The following ABCC6 variants were observed in gnomAD, a reference collection of about 807,000 sequenced individuals.
ABCC6 encodes the protein ATP binding cassette subfamily C member 6.
In ABCC6, 126 loss-of-function variants were observed where a neutral mutation model predicts 169.5. The observed-to-expected ratio is 0.74, with a 90% CI of 0.64 to 0.86. The LOEUF is 0.86. Ranked by LOEUF, ABCC6 falls within the 40% of genes least tolerant of loss-of-function variation. The pLI is 0.00. For missense variants in ABCC6, 1,733 were observed against 1,927.2 expected (o/e 0.90, Z 1.89); for synonymous variants, 752 against 814.7 (o/e 0.92, Z 1.31).
rs756768329 is a variant in ABCC6 at position 16,165,886 on chromosome 16, G to C, written c.3043C>G (p.Arg1015Gly). The change falls in exon 23 of 31, where the codon CGG becomes GGG. Residue 1015 changes from arginine to glycine, a missense_variant. Physicochemically the swap from Arg to Gly is moderately radical, Grantham distance 125. This residue lies in a region of ABCC6 where 1,601 missense variants were observed against 1,635.5 expected (regional missense o/e 0.98). Transcript: ENST00000205557. ...SMAAVLLGGA[R>G]ASRLLFQRLL... ...CTCTGGAAGAGCAACCTGGATGCCCGGGCCCCACCTAGGAGCACCGCAGCC... is the reference window on the plus strand; with the variant it reads ...CTCTGGAAGAGCAACCTGGATGCCCCGGCCCCACCTAGGAGCACCGCAGCC... 3 of 1,613,140 alleles carry C rather than the reference G, an allele frequency of 1.9e-6. No individual in the cohort carries two copies. The highest frequency in any genetic ancestry group is 2.5e-6 in the Non-Finnish European group (3 of 1,180,008).
chr16:16,170,923 AAAAAAAAAAAAAAAAAAAGAAAG>A lies in ABCC6; in HGVS notation c.2788-1093_2788-1071del, dbSNP rs1259763390. ...GACAAGAGTGAAACTCTGTCTCAAAAAAAAAAAAAAAAAAAAAAGAAAGAAAGAAAGAAAGAAAGAAAGAAAGA... is the reference window on the plus strand; with the variant it reads ...GACAAGAGTGAAACTCTGTCTCAAAAAAAGAAAGAAAGAAAGAAAGAAAGA... On this transcript the variant is annotated intron_variant, in intron 21 of 30. Transcript: ENST00000205557. Among the ~76,000 whole-genome samples the A allele has an allele frequency of 1.4e-3, 98 of 72,298 alleles. 1 individual carries two copies. The highest frequency in any genetic ancestry group is 3.8e-3 in the African/African-American group (95 of 24,874). 47.4% of individuals were successfully genotyped at this position (72,298 alleles called of 152,430 possible). A position where few individuals can be genotyped will look rare whatever the true frequency, so the allele number is the denominator to read the frequency against.
rs545644418 is a variant in ABCC6 at position 16,154,801 on chromosome 16, G to A, written c.4042-7C>T. ...CAGGGAACAGGATGGGGTCCTGGCG[G>A]GGAGGGGCGGTGGGTCAGAGCCGGG... On this transcript the variant is annotated splice_region_variant and splice_polypyrimidine_tract_variant and intron_variant, in intron 28 of 30. Coordinates refer to ENST00000205557, the MANE Select transcript of ABCC6 (RefSeq NM_001171.6). 3.1e-6 allele frequency: 5 copies of A among 1,610,178 alleles called. No individual in the cohort carries two copies. In the South Asian group the frequency reaches 3.3e-5, roughly 11 times the overall value.
intron 21 of ABCC6, 137 bp from the exon 22 acceptor site, chr16:16,169,990 G>A (rs1216876126): frequency 1.4e-5 from 12 of 866,968 alleles, no homozygotes; most frequent in East Asian, 7.9e-5. Context: ...TGGTTCTCCC[G>A]CTGTGCCTCC....
intron 20 of ABCC6, 150 bp from the exon 21 acceptor site, chr16:16,173,554 G>A (rs775024776): frequency 1.1e-5 from 11 of 1,000,232 alleles, no homozygotes; most frequent in Non-Finnish European, 1.7e-5. Flanking sequence ...ATACTGACCA[G>A]ATATCACACT....
Position 16,165,812 on chromosome 16 carries a change from T to A in ABCC6, c.3117A>T (p.Thr1039=). ...AGCGGTTTAGCAGGTGACCAATGGG[T>A]GTCCGCTCAAAGAAGCTGATGGGAG... ...VRSPISFFER[T]PIGHLLNRFS... Residue 1039 remains threonine (T), a synonymous_variant, in exon 23 of 31, where the codon ACA becomes ACT. Coordinates refer to ENST00000205557, the MANE Select transcript of ABCC6 (RefSeq NM_001171.6). The A allele has an allele frequency of 3.1e-6, 5 of 1,613,590 alleles. No individual in the cohort carries two copies. The highest frequency in any genetic ancestry group is 3.4e-6 in the Non-Finnish European group (4 of 1,180,030).
rs186961177 is a variant in ABCC6, at chr16:16,172,343, G to A, written c.2787+941C>T. On this transcript the variant is annotated intron_variant, in intron 21 of 30. Transcript: ENST00000205557. Reference sequence around the variant, plus strand: ...TATGAGTGGGTGGGATGGCTAAATGGGTGGGTGGGATGGCTAAATGAGTGG... The same window carrying A: ...TATGAGTGGGTGGGATGGCTAAATGAGTGGGTGGGATGGCTAAATGAGTGG... Among the ~76,000 whole-genome samples, 31 of 8,068 alleles carry A rather than the reference G, an allele frequency of 3.8e-3. 8 individuals are homozygous for A. Among genetic ancestry groups the A allele is most frequent in the Non-Finnish European group, 4.6e-3 (20 of 4,378 alleles). The allele number at this position is 8,068 out of a possible 152,430, so 5.3% of individuals were successfully genotyped here. A position where few individuals can be genotyped will look rare whatever the true frequency, so the allele number is the denominator to read the frequency against.
intron 29 of ABCC6, 120 bp from the exon 30 acceptor site, chr16:16,150,892 C>A (rs1179187668): frequency 1.3e-6 from 2 of 1,525,156 alleles, no homozygotes; most frequent in African/African-American, 2.7e-5. Flanking sequence ...GTTCAGGCAT[C>A]CCCACACATG....
At chr16:16,155,090 G>A (rs948596050) in intron 27 of ABCC6, 59 bp from the exon 28 acceptor site, 35 of 1,523,978 alleles carry the variant, frequency 2.3e-5, no homozygotes, top group Middle Eastern at 3.4e-4. Flanking sequence ...GCATTTATTG[G>A]GGAGATCTTT....
rs188802481 is a variant in ABCC6 at position 16,159,229 on chromosome 16, C to T, written c.3735+253G>A. On this transcript the variant is annotated intron_variant, in intron 26 of 30. Transcript: ENST00000205557. ...GTTGCAATGCTGTTCCTTGTGGTTC[C>T]CTGCACTCCCATGGGTGACCTGCTT... Among the ~76,000 whole-genome samples, 18 of 152,230 alleles carry T rather than the reference C, an allele frequency of 1.2e-4. No individual in the cohort carries two copies. In the East Asian group the frequency reaches 3.3e-3, roughly 28 times the overall value.
In ABCC6 at chr16:16,177,628, TGGGCA is replaced by T; in HGVS notation, c.2416-7_2416-3del. The T allele has an allele frequency of 6.2e-7, 1 of 1,614,148 alleles. No individual in the cohort carries two copies. ...TGCGTGCGTCACGAGAATCCGTGTC[TGGGCA>T]GGGAAGGGGTAGAAGTTACACACAT... On this transcript the variant is annotated splice_region_variant and splice_polypyrimidine_tract_variant and intron_variant, in intron 18 of 30. Transcript: ENST00000205557.
chr16:16,183,643 T>A (rs1283483729), intron 15 of ABCC6, among the ~76,000 whole-genome samples: 1 of 152,156 alleles, frequency 6.6e-6, no homozygotes, highest in Non-Finnish European at 1.5e-5. Flanking sequence ...AAAAGGCCAG[T>A]GGTTCTCACC....
intron 10 of ABCC6, among the ~76,000 whole-genome samples, chr16:16,197,497 G>A (rs144428030): frequency 2.0e-5 from 3 of 151,240 alleles, no homozygotes; most frequent in Non-Finnish European, 4.4e-5. Context: ...GAAGAGCAGA[G>A]GGAAGAGAGG....
intron 30 of ABCC6, 99 bp from the exon 31 acceptor site, chr16:16,150,340 G>A: frequency 6.3e-7 from 1 of 1,577,258 alleles, no homozygotes; most frequent in Non-Finnish European, 8.6e-7. Flanking sequence ...TTTCTCCATA[G>A]AAGTCCTGCT....
chr16:16,154,876 G>C lies in ABCC6; in HGVS notation c.4038C>G (p.Pro1346=). Residue 1346 remains proline (P), a synonymous_variant, in exon 28 of 31, where the codon CCC becomes CCG. Transcript: ENST00000205557. ...HTLRSRISII[P]QDPILFPGSL... is the part of the protein sequence containing the mutation. ...CCACCCCCTCCACCAGCCTCACCTG[G>C]GGGATGATGCTGATCCTGGAGCGCA... is the stretch of plus-strand genomic sequence containing the variant. 6.2e-7 allele frequency: 1 copy of C among 1,612,740 alleles called. No individual in the cohort carries two copies. The highest frequency in any genetic ancestry group is 8.5e-7 in the Non-Finnish European group (1 of 1,179,502).
intron 7 of ABCC6, among the ~76,000 whole-genome samples, chr16:16,204,005 G>C (rs922578520): frequency 7.2e-5 from 11 of 152,020 alleles, no homozygotes; most frequent in Non-Finnish European, 1.0e-4. Context: ...AAAAGAACTG[G>C]AATTTGATTC....
Position 16,149,623 on chromosome 16 carries a change from G to T in ABCC6, c.*510C>A. The T allele has an allele frequency of 3.7e-6, 1 of 269,304 alleles. No homozygotes were observed. The highest frequency in any genetic ancestry group is 7.2e-6 in the Non-Finnish European group (1 of 138,916). The allele number at this position is 269,304 out of a possible 1,614,324, so 16.7% of individuals were successfully genotyped here. On this transcript the variant is annotated 3_prime_UTR_variant, in exon 31 of 31. Coordinates refer to ENST00000205557, the MANE Select transcript of ABCC6 (RefSeq NM_001171.6). The stretch of plus-strand genomic sequence containing the variant: ...GTGTCAATGTCAACACCCTGGCTGT[G>T]ATGCTTTATCCTAGAGTTTTGCAAG...
In ABCC6 at chr16:16,173,037, T is replaced by G. The variant is rs1005928761; in HGVS notation, c.2787+247A>C. ...AGCCTGGGTGAGTGAGCGAGCCACT[T>G]TCTCAAAATCAAAATAAAATAAATT... On this transcript the variant is annotated intron_variant, in intron 21 of 30. Coordinates refer to ENST00000205557, the MANE Select transcript of ABCC6 (RefSeq NM_001171.6). The G allele has an allele frequency of 1.3e-4, 74 of 571,122 alleles. No homozygotes were observed. In the African/African-American group the frequency reaches 1.3e-3, roughly 10 times the overall value. The allele number at this position is 571,122 out of a possible 1,614,324, so 35.4% of individuals were successfully genotyped here.
At chr16:16,185,688 G>A (rs2047636107) in intron 14 of ABCC6, among the ~76,000 whole-genome samples, 1 of 152,172 alleles carries the variant, frequency 6.6e-6, no homozygotes, top group Admixed American at 6.5e-5. Flanking sequence ...GAGAGGCTAA[G>A]GCAGGAGAAT....
intron 20 of ABCC6, 32 bp from the exon 21 acceptor site, chr16:16,173,436 G>A (rs750824873): frequency 1.5e-5 from 24 of 1,613,888 alleles, no homozygotes; most frequent in Non-Finnish European, 1.8e-5. Context: ...GACAAAGTCA[G>A]TATCTCTCCC....
Sources: allele counts gnomAD v4.1 joint callset (sites outside exome capture counted in the v4.1 genomes callset), GRCh38; gene constraint gnomAD v4.1.1; regional missense constraint gnomAD v4.1.1; transcripts MANE v1.5; gene names NCBI Gene and HGNC (gene_info 2026-07-23, HGNC 2026-07-21).